Variants in PCDH9 observed in about 807,000 individuals in gnomAD.
PCDH9 encodes protocadherin 9.
PCDH9 carries 24 observed loss-of-function variants against 70.6 expected under a neutral mutation model. The observed-to-expected ratio is 0.34, with a 90% CI of 0.25 to 0.48. The LOEUF (loss-of-function observed/expected upper bound fraction) is 0.48, where lower values mean the gene tolerates loss of function less well. Among genes scored for constraint, PCDH9 ranks in the 20% least tolerant of loss-of-function variants. PCDH9 has a pLI of 0.99. For synonymous variants in PCDH9, 562 were observed against 558.5 expected (o/e 1.01, Z -0.09); for missense variants, 1,281 against 1,503.6 (o/e 0.85, Z 2.45).
chr13:66,700,708 T>G (rs2078626747), intron 3 of PCDH9, among the ~76,000 whole-genome samples: 1 of 151,962 alleles, frequency 6.6e-6, no homozygotes, highest in South Asian at 2.1e-4. Context: ...TTGTTCTGCC[T>G]GACCTGCTGA....
intron 4 of PCDH9, among the ~76,000 whole-genome samples, chr13:66,597,057 T>G (rs564070745): frequency 8.6e-5 from 13 of 151,730 alleles, no homozygotes; most frequent in African/African-American, 3.1e-4. Flanking sequence ...CTTTTCTCAT[T>G]ATAATTCATT....
chr13:67,134,109 C>A (rs1244900536), intron 2 of PCDH9, among the ~76,000 whole-genome samples: 6 of 151,980 alleles, frequency 3.9e-5, no homozygotes, highest in Non-Finnish European at 7.4e-5. Context: ...AAAATAAAAT[C>A]CTCTAAGATT....
intron 3 of PCDH9, among the ~76,000 whole-genome samples, chr13:66,645,305 T>C (rs1420006708): frequency 6.6e-6 from 1 of 152,082 alleles, no homozygotes; most frequent in Non-Finnish European, 1.5e-5. Flanking sequence ...TCCCGTAGTG[T>C]TTGCAGGGCA....
At chr13:66,456,863 T>C (rs1958327212) in intron 4 of PCDH9, among the ~76,000 whole-genome samples, 1 of 152,076 alleles carries the variant, frequency 6.6e-6, no homozygotes, top group Admixed American at 6.6e-5. Context: ...AACAAACACA[T>C]GTGTACTGCC....
intron 2 of PCDH9, chr13:67,209,521 T>C (rs1400458887): frequency 2.6e-5 from 4 of 152,126 alleles, no homozygotes; most frequent in Admixed American, 2.0e-4. Flanking sequence ...CTCTTTACCA[T>C]ATCTCTATCA....
chr13:66,876,609 T>C (rs758746185), intron 3 of PCDH9, among the ~76,000 whole-genome samples: 8 of 152,178 alleles, frequency 5.3e-5, no homozygotes, highest in Non-Finnish European at 7.4e-5. Flanking sequence ...ATGGGCAATT[T>C]TAGTTTAAGT....
chr13:66,698,122 G>T (rs751830107), intron 3 of PCDH9, among the ~76,000 whole-genome samples: 4 of 152,120 alleles, frequency 2.6e-5, no homozygotes, highest in African/African-American at 9.7e-5. Context: ...GGGTCTGTGG[G>T]GCAGTAGAAA....
chr13:67,102,212 AC>A (rs2086449334), intron 2 of PCDH9, among the ~76,000 whole-genome samples: 1 of 152,122 alleles, frequency 6.6e-6, no homozygotes, highest in Non-Finnish European at 1.5e-5. Context: ...CTAGAATTAG[AC>A]CTCAGATCCC....
At chr13:66,520,837 C>T (rs1455210501) in intron 4 of PCDH9, among the ~76,000 whole-genome samples, 2 of 152,076 alleles carry the variant, frequency 1.3e-5, no homozygotes, top group Non-Finnish European at 2.9e-5. Flanking sequence ...CATCAGGAAA[C>T]CCTTGTCTTC....
At chr13:66,874,436 T>C (rs2081759331) in intron 3 of PCDH9, among the ~76,000 whole-genome samples, 1 of 152,206 alleles carries the variant, frequency 6.6e-6, no homozygotes, top group Non-Finnish European at 1.5e-5. Flanking sequence ...ATCTGCCTTG[T>C]AGATTTTACT....
In PCDH9 at chr13:66,303,271, T is replaced by C. The variant is rs1955401717; in HGVS notation, c.*1384A>G. The C allele has an allele frequency of 6.6e-6, 1 of 152,502 alleles. No homozygotes were observed. Among genetic ancestry groups the C allele is most frequent in the Non-Finnish European group, 1.5e-5 (1 of 67,984 alleles). The allele number at this position is 152,502 out of a possible 1,614,324, so 9.4% of individuals were successfully genotyped here. A position where few individuals can be genotyped will look rare whatever the true frequency, so the allele number is the denominator to read the frequency against. ...CCTCCTAAGAATGTTCGAATTTGGATTTGTTTGCACGTGCAACTGAGATCT... is the reference window on the plus strand; with the variant it reads ...CCTCCTAAGAATGTTCGAATTTGGACTTGTTTGCACGTGCAACTGAGATCT... On this transcript the variant is annotated 3_prime_UTR_variant, in exon 5 of 5. Transcript: ENST00000377865.
intron 3 of PCDH9, among the ~76,000 whole-genome samples, chr13:66,893,745 G>A (rs1289493727): frequency 6.6e-6 from 1 of 152,044 alleles, no homozygotes; most frequent in Non-Finnish European, 1.5e-5. Flanking sequence ...TATATGAGAT[G>A]CACTCTAATA....
chr13:66,641,642 A>G (rs2077710656), intron 3 of PCDH9, among the ~76,000 whole-genome samples: 1 of 152,184 alleles, frequency 6.6e-6, no homozygotes. Flanking sequence ...CTAGCCATAT[A>G]GAACACACAA....
At chr13:67,043,635 A>G (rs1463747940) in intron 2 of PCDH9, among the ~76,000 whole-genome samples, 1 of 152,216 alleles carries the variant, frequency 6.6e-6, no homozygotes, top group Non-Finnish European at 1.5e-5. Context: ...TGATTTATAA[A>G]GAGGAGATAA....
Position 67,107,245 on chromosome 13 carries a change from A to T in PCDH9, c.3036+118160T>A, listed in dbSNP as rs563707288. On this transcript the variant is annotated intron_variant, in intron 2 of 4. Coordinates refer to ENST00000377865, the MANE Select transcript of PCDH9 (RefSeq NM_203487.3). ...CACGCATATCTAAAGCCCATAAAAA[A>T]GCCCCTCCTTCAAGCCCGTGTCAGC... 1.2e-4 allele frequency among the ~76,000 whole-genome samples: 17 copies of T among 142,166 alleles called. No homozygotes were observed. In the South Asian group the frequency reaches 1.4e-3, roughly 11 times the overall value. 93.3% of individuals were successfully genotyped at this position (142,166 alleles called of 152,430 possible).
Position 66,797,960 on chromosome 13 carries a change from G to GGT in PCDH9, c.3138+105542_3138+105543dup, listed in dbSNP as rs368524616. Among the ~76,000 whole-genome samples, 518 of 147,260 alleles carry GGT rather than the reference G, an allele frequency of 3.5e-3. 1 individual carries two copies. Among genetic ancestry groups the GGT allele is most frequent in the African/African-American group, 7.6e-3 (306 of 40,028 alleles). On this transcript the variant is annotated intron_variant, in intron 3 of 4. Transcript: ENST00000377865. ...TGTGTTCTGTTTTTGTTTCTTGGGG[G>GGT]GTGTGTGTGTGTGTGTGTGTGTGTA... is the stretch of plus-strand genomic sequence containing the variant.
At chr13:66,849,454 C>T (rs1203944512) in intron 3 of PCDH9, among the ~76,000 whole-genome samples, 7 of 129,470 alleles carry the variant, frequency 5.4e-5, no homozygotes, top group Non-Finnish European at 8.1e-5. Context: ...CTATATATGA[C>T]AATATATGAC....
intron 3 of PCDH9, among the ~76,000 whole-genome samples, chr13:66,892,935 G>A (rs2082119608): frequency 6.6e-6 from 1 of 151,862 alleles, no homozygotes; most frequent in Non-Finnish European, 1.5e-5. Flanking sequence ...TAAAAATGGA[G>A]GATTAACTGT....
intron 4 of PCDH9, among the ~76,000 whole-genome samples, chr13:66,397,548 T>C (rs1286550227): frequency 4.6e-5 from 7 of 151,396 alleles, no homozygotes; most frequent in Admixed American, 1.3e-4. Context: ...TATATGTCGA[T>C]ATATATGTGT....
Sources: allele counts gnomAD v4.1 joint callset (sites outside exome capture counted in the v4.1 genomes callset), GRCh38; gene constraint gnomAD v4.1.1; transcripts MANE v1.5; gene names NCBI Gene and HGNC (gene_info 2026-07-23, HGNC 2026-07-21).